The following MTMR1 variants were observed in gnomAD, a reference collection of about 807,000 sequenced individuals.
The protein encoded by MTMR1 is phosphatidylinositol-3-phosphate phosphatase MTMR1.
In MTMR1, 17 loss-of-function variants were observed where a neutral mutation model predicts 51.6. The ratio of observed to expected loss-of-function variants is 0.33; its 90% CI spans 0.23 to 0.49. The LOEUF is 0.49. MTMR1 is among the 20% of genes least tolerant of loss of function. The pLI is 0.99. For missense variants in MTMR1, 386 were observed against 526.9 expected, an observed-to-expected ratio of 0.73 and a Z score of 2.62; for synonymous variants, 201 against 205.6, an observed-to-expected ratio of 0.98 and a Z score of 0.19.
intron 4 of MTMR1, among the ~76,000 whole-genome samples, chrX:150,725,301 A>G (rs1351728195): frequency 9.0e-6 from 1 of 111,463 alleles, no homozygotes; most frequent in Non-Finnish European, 1.9e-5. Flanking sequence ...CTGGGTAGCC[A>G]TATTCCTAGG....
At chrX:150,700,534 A>G (rs1262369434) in intron 2 of MTMR1, among the ~76,000 whole-genome samples, 1 of 112,491 alleles carries the variant, frequency 8.9e-6, no homozygotes, top group Non-Finnish European at 1.9e-5. Flanking sequence ...CCCATAAAAG[A>G]GCAGCTGGGG....
At chrX:150,694,915 T>G (rs1603223262) in intron 1 of MTMR1, among the ~76,000 whole-genome samples, 1 of 112,101 alleles carries the variant, frequency 8.9e-6, no homozygotes, top group East Asian at 2.8e-4. Context: ...ACAGAAGTAC[T>G]CAGGATGGGC....
At chrX:150,749,495 C>T (rs920658991) in intron 13 of MTMR1, among the ~76,000 whole-genome samples, 24 of 111,644 alleles carry the variant, frequency 2.1e-4, no homozygotes, top group African/African-American at 7.2e-4. Flanking sequence ...AGAGTTCTGG[C>T]GCATGGTAGG....
At chrX:150,758,953 G>A (rs943966011) in intron 15 of MTMR1, among the ~76,000 whole-genome samples, 4 of 112,389 alleles carry the variant, frequency 3.6e-5, no homozygotes, top group South Asian at 3.7e-4. Flanking sequence ...GTTTGAAGGC[G>A]AGCTGTCTTT....
chrX:150,731,323 A>G, intron 8 of MTMR1, 147 bp from the exon 9 acceptor site: 2 of 440,836 alleles, frequency 4.5e-6, no homozygotes, highest in Non-Finnish European at 7.1e-6. Context: ...GAATAAATAT[A>G]TATATTGACT....
chrX:150,713,402 A>C (rs1453959002), intron 3 of MTMR1, among the ~76,000 whole-genome samples: 1 of 112,205 alleles, frequency 8.9e-6, no homozygotes, highest in Non-Finnish European at 1.9e-5. Context: ...CCAACTGTGT[A>C]CTAAATTCAA....
At chrX:150,693,085 T>G (rs1215057839), upstream of MTMR1, 1 of 112,558 alleles carries the variant, frequency 8.9e-6, no homozygotes, top group African/African-American at 3.2e-5. Flanking sequence ...AAATCATTTT[T>G]GATACTTGAA....
At chrX:150,701,038 A>G (rs1397213045) in intron 2 of MTMR1, among the ~76,000 whole-genome samples, 6 of 112,307 alleles carry the variant, frequency 5.3e-5, no homozygotes, top group Non-Finnish European at 1.1e-4. Context: ...TTCTTTTGGA[A>G]ATTAAATTTT....
rs961814296 is a variant in MTMR1 at position 150,753,170 on chromosome X, A to C, written c.1680+2327A>C. Among the ~76,000 whole-genome samples, 24 of 112,369 alleles carry C rather than the reference A, an allele frequency of 2.1e-4. No homozygotes were observed. The Admixed American group carries it at 2.3e-3, about 11-fold the overall frequency. ...TCAAGGTTCATCTATGCACCAATAC[A>C]TCCTTTTTATGGCTGAGCAATATTC... On this transcript the variant is annotated intron_variant, in intron 14 of 15. Coordinates refer to ENST00000445323, the MANE Select transcript of MTMR1 (RefSeq NM_001306144.3).
At chrX:150,696,092 C>G (rs1009702859) in intron 1 of MTMR1, among the ~76,000 whole-genome samples, 3 of 111,401 alleles carry the variant, frequency 2.7e-5, no homozygotes, top group Non-Finnish European at 3.8e-5. Flanking sequence ...GGCAGGGTCT[C>G]TGGGCCAGAC....
At chrX:150,699,158 T>G in intron 1 of MTMR1, 37 bp from the exon 2 acceptor site, 9 of 960,624 alleles carry the variant, frequency 9.4e-6, no homozygotes, top group African/African-American at 3.9e-5. Flanking sequence ...TGAGATCCTA[T>G]GATATAACGT....
At chrX:150,740,751 G>A (rs1176297248) in intron 12 of MTMR1, among the ~76,000 whole-genome samples, 2 of 111,155 alleles carry the variant, frequency 1.8e-5, no homozygotes, top group African/African-American at 3.3e-5. Context: ...GCATGGTGCC[G>A]GCATCTGCTT....
chrX:150,746,005 T>A (rs1326654361), intron 13 of MTMR1, among the ~76,000 whole-genome samples: 3 of 112,231 alleles, frequency 2.7e-5, no homozygotes, highest in South Asian at 3.7e-4. Context: ...CCCCTGGGAC[T>A]CTTATTGAAA....
chrX:150,698,873 A>C (rs868950469), intron 1 of MTMR1, among the ~76,000 whole-genome samples: 4 of 108,160 alleles, frequency 3.7e-5, no homozygotes, highest in African/African-American at 1.3e-4. Flanking sequence ...CCATCTCACA[A>C]AAAAAAAAAG....
rs782752989 is a variant in MTMR1, at chrX:150,732,564, A to G, written c.914A>G (p.Glu305Gly). The change falls in exon 10 of 16, where the codon GAA becomes GGA. Residue 305 changes from glutamate to glycine, a missense_variant. Glu to Gly is a moderately conservative substitution (Grantham distance 98, BLOSUM62 -2). Transcript: ENST00000445323. ...TAGGTGTTGTCATGGATTCATCCGG[A>G]AAGTCAAGCAACGATTACCCGTTGC... ...RVPVLSWIHP[E>G]SQATITRCSQ... The G allele has an allele frequency of 1.7e-6, 2 of 1,209,416 alleles. No individual in the cohort carries two copies. Among genetic ancestry groups the G allele is most frequent in the Non-Finnish European group, 2.2e-6 (2 of 894,289 alleles).
At chrX:150,719,212 G>A (rs1486302432) in intron 4 of MTMR1, among the ~76,000 whole-genome samples, 1 of 111,333 alleles carries the variant, frequency 9.0e-6, no homozygotes, top group African/African-American at 3.3e-5. Context: ...GGCCTTTCAG[G>A]GAGTAGTTGA....
At chrX:150,744,821 C>T (rs1410898847) in intron 13 of MTMR1, among the ~76,000 whole-genome samples, 1 of 112,149 alleles carries the variant, frequency 8.9e-6, no homozygotes, top group African/African-American at 3.2e-5. Context: ...TGGGAATGAA[C>T]TGCTAGTACA....
chrX:150,751,073 G>T (rs1159772781), intron 14 of MTMR1: 1 of 1,131,739 alleles, frequency 8.8e-7, no homozygotes, highest in African/African-American at 1.8e-5. Flanking sequence ...TCTCTCAGGA[G>T]TAGATGAGTG....
chrX:150,698,628 G>C, intron 1 of MTMR1, among the ~76,000 whole-genome samples: 1 of 106,713 alleles, frequency 9.4e-6, no homozygotes, highest in African/African-American at 3.4e-5. Context: ...CTCGAGCCCA[G>C]GAATTCGAGA....
Sources: allele counts gnomAD v4.1 joint callset (sites outside exome capture counted in the v4.1 genomes callset), GRCh38; gene constraint gnomAD v4.1.1; transcripts MANE v1.5; gene names NCBI Gene and HGNC (gene_info 2026-07-23, HGNC 2026-07-21).